Variants in TFEC observed in about 807,000 individuals in gnomAD.
TFEC encodes the protein transcription factor EC.
TFEC carries 31 observed loss-of-function variants against 41.6 expected under a neutral mutation model. That is an observed-to-expected ratio of 0.74 (90% CI 0.56 to 1.01). The LOEUF is 1.01. TFEC is among the 50% of genes least tolerant of loss of function. The pLI, the probability that TFEC is intolerant of heterozygous loss-of-function variation, is 0.00. For missense variants in TFEC, 402 were observed against 404.1 expected (o/e 0.99, Z 0.04); for synonymous variants, 143 against 140.6 (o/e 1.02, Z -0.12).
intron 3 of TFEC, among the ~76,000 whole-genome samples, chr7:116,038,761 CCTCT>C (rs746675707): frequency 2.6e-5 from 4 of 152,012 alleles, no homozygotes; most frequent in African/African-American, 4.8e-5. Flanking sequence ...TTGTACCATT[CCTCT>C]CTATCAGGGT....
At chr7:116,141,326 A>T (rs1369086880) in intron 1 of TFEC, among the ~76,000 whole-genome samples, 1 of 152,188 alleles carries the variant, frequency 6.6e-6, no homozygotes, top group African/African-American at 2.4e-5. Context: ...TAAATAATAA[A>T]TAATCTTTAT....
chr7:116,154,124 T>C (rs1318029337), intron 1 of TFEC, among the ~76,000 whole-genome samples: 1 of 152,224 alleles, frequency 6.6e-6, no homozygotes, highest in Admixed American at 6.5e-5. Context: ...TTATGCATCT[T>C]GAACTCAATG....
chr7:115,941,043 A>G (rs1045074549), intron 7 of TFEC, 112 bp from the exon 8 acceptor site: 3 of 964,346 alleles, frequency 3.1e-6, no homozygotes, highest in Non-Finnish European at 4.5e-6. Flanking sequence ...ATGAAGAGTA[A>G]TACAATACAA....
At chr7:116,031,328 TAC>T (rs971314315), upstream of TFEC, among the ~76,000 whole-genome samples, 3 of 152,186 alleles carry the variant, frequency 2.0e-5, no homozygotes, top group African/African-American at 7.2e-5. Flanking sequence ...AGATTAAAAA[TAC>T]ACAGTTCAGC....
At chr7:115,994,773 G>T (rs578043635) in intron 1 of TFEC, among the ~76,000 whole-genome samples, 3 of 152,304 alleles carry the variant, frequency 2.0e-5, no homozygotes, top group Admixed American at 6.5e-5. Flanking sequence ...TTCAACCATT[G>T]TGGAAGACAG....
At chr7:116,106,750 GC>G (rs1166968740) in intron 3 of TFEC, among the ~76,000 whole-genome samples, 2 of 152,138 alleles carry the variant, frequency 1.3e-5, no homozygotes, top group Non-Finnish European at 1.5e-5. Context: ...AAAAATCTCA[GC>G]TTTTTGAGGC....
chr7:116,007,482 T>C (rs186086134), intron 1 of TFEC, among the ~76,000 whole-genome samples: 19 of 152,326 alleles, frequency 1.2e-4, no homozygotes, highest in Non-Finnish European at 2.2e-4. Flanking sequence ...AGCCAAGCAA[T>C]GCTGGCTAGA....
intron 1 of TFEC, among the ~76,000 whole-genome samples, chr7:116,135,979 C>A (rs1798425213): frequency 1.3e-5 from 2 of 152,044 alleles, no homozygotes; most frequent in Non-Finnish European, 2.9e-5. Context: ...TAGTTCCTCA[C>A]AGTGAATATT....
At chr7:115,995,643 C>G (rs1308857263) in intron 1 of TFEC, among the ~76,000 whole-genome samples, 3 of 152,204 alleles carry the variant, frequency 2.0e-5, no homozygotes, top group African/African-American at 7.2e-5. Context: ...GGTGAGCAAT[C>G]ACAGTATCTT....
intron 1 of TFEC, among the ~76,000 whole-genome samples, chr7:116,011,594 G>A (rs1795003455): frequency 6.6e-6 from 1 of 151,926 alleles, no homozygotes; most frequent in East Asian, 1.9e-4. Flanking sequence ...AATTGTCCAG[G>A]TATTAACAAT....
At chr7:115,996,179 C>T (rs1310457235) in intron 1 of TFEC, among the ~76,000 whole-genome samples, 3 of 152,122 alleles carry the variant, frequency 2.0e-5, no homozygotes, top group Admixed American at 1.3e-4. Context: ...AAGACTCTTT[C>T]CTTATGCTTG....
intron 3 of TFEC, among the ~76,000 whole-genome samples, chr7:116,110,232 C>A (rs1474977981): frequency 6.6e-6 from 1 of 151,886 alleles, no homozygotes; most frequent in Non-Finnish European, 1.5e-5. Flanking sequence ...TAATAATAAA[C>A]AAAAACAGTC....
At chr7:116,069,184 T>C (rs1315917643) in intron 3 of TFEC, among the ~76,000 whole-genome samples, 1 of 150,252 alleles carries the variant, frequency 6.7e-6, no homozygotes, top group Non-Finnish European at 1.5e-5. Context: ...GAGGAGAAAA[T>C]AAGATAAAAA....
At chr7:116,119,353 G>T (rs909704811) in intron 1 of TFEC, among the ~76,000 whole-genome samples, 1 of 151,648 alleles carries the variant, frequency 6.6e-6, no homozygotes, top group African/African-American at 2.4e-5. Context: ...AATGCAATAG[G>T]TCTGGAAAGA....
intron 1 of TFEC, among the ~76,000 whole-genome samples, chr7:116,001,518 A>G (rs1425193464): frequency 6.6e-6 from 1 of 151,716 alleles, no homozygotes; most frequent in East Asian, 1.9e-4. Context: ...AACAACCAAC[A>G]AACAAAAAAA....
chr7:116,049,118 T>C (rs1796244277), intron 3 of TFEC, among the ~76,000 whole-genome samples: 2 of 152,126 alleles, frequency 1.3e-5, no homozygotes, highest in Admixed American at 1.3e-4. Flanking sequence ...AGGATCAAAT[T>C]CACACATAAC....
chr7:116,131,842 G>C (rs540382400), intron 1 of TFEC, among the ~76,000 whole-genome samples: 1 of 152,274 alleles, frequency 6.6e-6, no homozygotes, highest in Admixed American at 6.5e-5. Context: ...GTACCCTTGA[G>C]ATATTAACGC....
At chr7:115,973,874 A>G (rs2130599480) in intron 3 of TFEC, among the ~76,000 whole-genome samples, 1 of 152,226 alleles carries the variant, frequency 6.6e-6, no homozygotes, top group Middle Eastern at 3.4e-3. Flanking sequence ...TGCTTAAAAT[A>G]GAAAATCTAA....
chr7:116,122,643 G>A (rs1798130487), intron 1 of TFEC, among the ~76,000 whole-genome samples: 1 of 152,042 alleles, frequency 6.6e-6, no homozygotes, highest in Non-Finnish European at 1.5e-5. Flanking sequence ...CAGGTAGCAG[G>A]CTTTCTTCAA....
Sources: allele counts gnomAD v4.1 joint callset (sites outside exome capture counted in the v4.1 genomes callset), GRCh38; gene constraint gnomAD v4.1.1; transcripts MANE v1.5; gene names NCBI Gene and HGNC (gene_info 2026-07-23, HGNC 2026-07-21).